Variants in PCDH15 observed in about 807,000 individuals in gnomAD.
PCDH15 encodes the protein protocadherin related 15, also known as protocadherin-15.
PCDH15 carries 129 observed loss-of-function variants against 178.5 expected under a neutral mutation model. The observed-to-expected ratio is 0.72, with a 90% CI of 0.63 to 0.84. PCDH15 has a LOEUF of 0.84. PCDH15 is among the 40% of genes least tolerant of loss of function. The probability of loss-of-function intolerance (pLI) is 0.00; values close to 1 mark genes in which losing one functional copy is unlikely to be tolerated. For synonymous variants in PCDH15, 800 were observed against 732.0 expected (o/e 1.09, Z -1.50); for missense variants, 2,230 against 2,099.9 (o/e 1.06, Z -1.21).
At chr10:55,336,988 GC>G (rs1844413155) in intron 2 of PCDH15, among the ~76,000 whole-genome samples, 1 of 152,074 alleles carries the variant, frequency 6.6e-6, no homozygotes, top group Admixed American at 6.6e-5. Flanking sequence ...GCCAATAGCA[GC>G]CCTGACCCCA....
rs1380938582 is a variant in PCDH15, at chr10:55,310,653, A to C, written c.-156+8946T>G. Among the ~76,000 whole-genome samples, 5 of 152,222 alleles carry C rather than the reference A, an allele frequency of 3.3e-5. No individual in the cohort carries two copies. The East Asian group carries it at 9.6e-4, about 29-fold the overall frequency. ...TTAAAAATGATAGACTGGATAAAGA[A>C]AATGTGGCACATATACACCATGGAA... On this transcript the variant is annotated intron_variant, in intron 1 of 5. Coordinates refer to the PCDH15 transcript ENST00000458638.
intron 1 of PCDH15, among the ~76,000 whole-genome samples, chr10:54,700,981 CA>C (rs2095302723): frequency 6.6e-6 from 1 of 152,090 alleles, no homozygotes; most frequent in African/African-American, 2.4e-5. Context: ...AAGTCACCTA[CA>C]AAGGCAACTA....
At chr10:55,155,335 G>T (rs184514043) in intron 2 of PCDH15, among the ~76,000 whole-genome samples, 1 of 151,412 alleles carries the variant, frequency 6.6e-6, no homozygotes, top group African/African-American at 2.4e-5. Flanking sequence ...GTTTAATCTC[G>T]TCTTAGTTAT....
At chr10:55,020,468 T>C (rs1449147360) in intron 2 of PCDH15, among the ~76,000 whole-genome samples, 1 of 151,140 alleles carries the variant, frequency 6.6e-6, no homozygotes, top group Non-Finnish European at 1.5e-5. Flanking sequence ...AGATTTTAAA[T>C]GAGTATGTTG....
intron 1 of PCDH15, among the ~76,000 whole-genome samples, chr10:55,273,012 G>A (rs1469348688): frequency 6.6e-6 from 1 of 151,990 alleles, no homozygotes; most frequent in Non-Finnish European, 1.5e-5. Context: ...AACGAAGGCA[G>A]AAATCTTGTT....
Position 55,522,085 on chromosome 10 carries a change from G to A in PCDH15, c.-156+105540C>T, listed in dbSNP as rs1841189493. 2.0e-5 allele frequency among the ~76,000 whole-genome samples: 3 copies of A among 151,924 alleles called. No homozygotes were observed. The South Asian group carries it at 6.2e-4, about 31-fold the overall frequency. ...TCTAGAAATAGAATTGCTGGATCATGTGGTACTTCTATTTTTAATTTTTTT... is the reference window on the plus strand; with the variant it reads ...TCTAGAAATAGAATTGCTGGATCATATGGTACTTCTATTTTTAATTTTTTT... On this transcript the variant is annotated intron_variant, in intron 2 of 5. Coordinates refer to the PCDH15 transcript ENST00000613346.
At chr10:54,060,893 G>A (rs2094000478) in intron 18 of PCDH15, among the ~76,000 whole-genome samples, 1 of 152,028 alleles carries the variant, frequency 6.6e-6, no homozygotes, top group East Asian at 1.9e-4. Flanking sequence ...TGTGTGGTGA[G>A]TCTAGAAGTC....
intron 3 of PCDH15, among the ~76,000 whole-genome samples, chr10:54,863,887 A>G (rs1037273708): frequency 4.6e-5 from 7 of 152,154 alleles, no homozygotes; most frequent in Admixed American, 4.6e-4. Flanking sequence ...AGCTATAGTA[A>G]GTTTAATTAT....
intron 14 of PCDH15, among the ~76,000 whole-genome samples, chr10:54,140,389 T>G (rs936448233): frequency 6.6e-6 from 1 of 151,892 alleles, no homozygotes; most frequent in African/African-American, 2.4e-5. Flanking sequence ...TCAGGTTAAT[T>G]TTTTTTGGCT....
At chr10:54,225,133 A>G (rs1461859519) in intron 9 of PCDH15, among the ~76,000 whole-genome samples, 1 of 152,094 alleles carries the variant, frequency 6.6e-6, no homozygotes, top group African/African-American at 2.4e-5. Context: ...CTGATTGTAT[A>G]GTTCAGGTAT....
intron 1 of PCDH15, among the ~76,000 whole-genome samples, chr10:54,710,712 A>C (rs11004458): frequency 0.12 from 18,498 of 152,010 alleles, 1,254 homozygotes; most frequent in African/African-American, 0.17. Flanking sequence ...ATGAGGAATT[A>C]ATTTATTTTA....
At chr10:54,428,493 G>A (rs1480805929) in intron 3 of PCDH15, among the ~76,000 whole-genome samples, 4 of 152,144 alleles carry the variant, frequency 2.6e-5, no homozygotes, top group Non-Finnish European at 5.9e-5. Flanking sequence ...GTACCTTCAC[G>A]TGGTAAATCT....
intron 3 of PCDH15, among the ~76,000 whole-genome samples, chr10:54,462,512 C>CTTTTTTTTTTTTTTTTTTTTTCTTTT (rs562731025): frequency 1.5e-5 from 1 of 66,888 alleles, no homozygotes; most frequent in Non-Finnish European, 2.5e-5. Flanking sequence ...TTTTTCTTTT[C>CTTTTTTTTTTTTTTTTTTTTTCTTTT]TTTTTTTTTT....
intron 2 of PCDH15, among the ~76,000 whole-genome samples, chr10:55,016,697 G>GTT (rs1369427882): frequency 3.3e-5 from 5 of 152,128 alleles, no homozygotes; most frequent in Admixed American, 3.3e-4. Context: ...TGTGAACAGT[G>GTT]TTGCAATAAA....
chr10:55,303,210 C>A (rs1843332608), intron 1 of PCDH15, among the ~76,000 whole-genome samples: 1 of 152,090 alleles, frequency 6.6e-6, no homozygotes, highest in African/African-American at 2.4e-5. Context: ...GTATTTATGA[C>A]TACCTTCTTC....
chr10:53,903,969 G>A (rs1033492108), intron 25 of PCDH15, among the ~76,000 whole-genome samples: 1 of 152,166 alleles, frequency 6.6e-6, no homozygotes, highest in African/African-American at 2.4e-5. Flanking sequence ...CAATGGAGCT[G>A]AAGATATGAT....
intron 2 of PCDH15, among the ~76,000 whole-genome samples, chr10:55,034,957 A>C (rs1273361881): frequency 1.3e-5 from 2 of 152,178 alleles, no homozygotes; most frequent in Non-Finnish European, 1.5e-5. Context: ...GAAGAGGCTG[A>C]TAATAATAGC....
At chr10:54,825,714 G>T (rs1186289969) in intron 3 of PCDH15, among the ~76,000 whole-genome samples, 4 of 151,948 alleles carry the variant, frequency 2.6e-5, no homozygotes, top group Non-Finnish European at 5.9e-5. Context: ...CATTTTTGAT[G>T]GGGTTGTTTG....
intron 2 of PCDH15, among the ~76,000 whole-genome samples, chr10:55,373,287 G>GA (rs906387437): frequency 6.6e-6 from 1 of 152,106 alleles, no homozygotes; most frequent in Admixed American, 6.6e-5. Context: ...TACAGGAGTA[G>GA]AAAAATCCAT....
Sources: gnomAD v4.1 joint callset for allele counts (sites outside exome capture counted in the v4.1 genomes callset) on GRCh38, gnomAD v4.1.1 for gene constraint, MANE v1.5 for transcripts, NCBI Gene and HGNC (gene_info 2026-07-23, HGNC 2026-07-21) for gene names.